The following KDM4D variants were observed in gnomAD, a reference collection of about 807,000 sequenced individuals.
The protein encoded by KDM4D is lysine-specific demethylase 4D.
For synonymous variants in KDM4D, 254 were observed against 249.1 expected (o/e 1.02, Z -0.19); for missense variants, 427 against 674.8 (o/e 0.63, Z 4.07).
At chr11:94,985,579 G>A (rs1294704613) in intron 2 of KDM4D, among the ~76,000 whole-genome samples, 1 of 151,646 alleles carries the variant, frequency 6.6e-6, no homozygotes, top group Non-Finnish European at 1.5e-5. Context: ...ATTAAAAATC[G>A]GTCCTAAAAT....
At chr11:94,983,146 G>A (rs1487742942) in intron 2 of KDM4D, among the ~76,000 whole-genome samples, 1 of 151,854 alleles carries the variant, frequency 6.6e-6, no homozygotes, top group Non-Finnish European at 1.5e-5. Context: ...GCATAGAAAT[G>A]TACAAATAAA....
At chr11:94,996,027 G>T (rs1450664331) in intron 2 of KDM4D, among the ~76,000 whole-genome samples, 1 of 152,172 alleles carries the variant, frequency 6.6e-6, no homozygotes, top group Non-Finnish European at 1.5e-5. Flanking sequence ...AAGTCACACG[G>T]TATGAGTTAA....
intron 2 of KDM4D, among the ~76,000 whole-genome samples, chr11:94,986,262 G>A (rs587670699): frequency 1.3e-5 from 2 of 152,226 alleles, no homozygotes; most frequent in Non-Finnish European, 2.9e-5. Context: ...GAAAAGATGT[G>A]CAATATCATG....
Position 94,998,839 on chromosome 11 carries a change from G to A in KDM4D, c.1467G>A (p.Glu489=), listed in dbSNP as rs782540477. ...TTCTASGPEP[E]PLPEDGALMD... ...GCACAGCTTCGGGCCCAGAACCTGA[G>A]CCCCTACCTGAGGATGGGGCTTTGA... The change falls in exon 3 of 3, where the codon GAG becomes GAA. Residue 489 remains glutamate, a synonymous_variant. Transcript: ENST00000335080. This position sits in a 1 kb window ranked among gnomAD's most constrained non-coding sequence, Gnocchi z 6.7. 2.5e-6 allele frequency: 4 copies of A among 1,576,058 alleles called. No homozygotes were observed. In the South Asian group the frequency reaches 4.7e-5, roughly 18 times the overall value.
At chr11:94,983,624 G>A (rs1468829828) in intron 2 of KDM4D, among the ~76,000 whole-genome samples, 3 of 151,872 alleles carry the variant, frequency 2.0e-5, no homozygotes, top group Admixed American at 6.6e-5. Flanking sequence ...GGAAAAAATC[G>A]GCAAAAGGTA....
chr11:94,984,667 C>T (rs903732564), intron 2 of KDM4D, among the ~76,000 whole-genome samples: 2 of 146,300 alleles, frequency 1.4e-5, no homozygotes, highest in African/African-American at 5.1e-5. Flanking sequence ...ACCACCCTAA[C>T]CAACATGGTG....
At chr11:94,987,259 C>T (rs1200000699) in intron 2 of KDM4D, among the ~76,000 whole-genome samples, 3 of 152,030 alleles carry the variant, frequency 2.0e-5, no homozygotes, top group Non-Finnish European at 4.4e-5. Flanking sequence ...TGTAAATATA[C>T]AAAAAATCAT....
In KDM4D at chr11:94,997,290, C is replaced by T; in HGVS notation, c.-83C>T. On this transcript the variant is annotated 5_prime_UTR_variant, in exon 3 of 3. Transcript: ENST00000335080. Reference sequence around the variant, plus strand: ...CTGCTACCTCATAGATAACACCAGTCAAATTTTTTTTTAAAGTAGCATTTT... The same window carrying T: ...CTGCTACCTCATAGATAACACCAGTTAAATTTTTTTTTAAAGTAGCATTTT... 1 of 1,163,106 alleles carries T rather than the reference C, an allele frequency of 8.6e-7. No homozygotes were observed. Among genetic ancestry groups the T allele is most frequent in the Non-Finnish European group, 1.2e-6 (1 of 846,026 alleles). The allele number at this position is 1,163,106 out of a possible 1,614,324, so 72.0% of individuals were successfully genotyped here.
At position 94,997,169 on chromosome 11, in the gene KDM4D, C is replaced by T. The variant is rs587708954; in HGVS notation, c.-204C>T. On this transcript the variant is annotated 5_prime_UTR_variant, in exon 3 of 3. It introduces an in-frame stop codon into an upstream open reading frame of the 5' UTR. Coordinates refer to ENST00000335080, the MANE Select transcript of KDM4D (RefSeq NM_018039.3). ...GGATCAGCTAACGTCAATGCCTGGGCAAAGCTGCTGCCCAGAGTGGAATCT... is the reference window on the plus strand; with the variant it reads ...GGATCAGCTAACGTCAATGCCTGGGTAAAGCTGCTGCCCAGAGTGGAATCT... 9.1e-6 allele frequency: 4 copies of T among 441,758 alleles called. No homozygotes were observed. In the South Asian group the frequency reaches 1.5e-4, roughly 17 times the overall value. 27.4% of individuals were successfully genotyped at this position (441,758 alleles called of 1,614,324 possible).
At position 94,973,743 on chromosome 11, in the gene KDM4D, C is replaced by T. The variant is rs1835555032; in HGVS notation, c.-770C>T. The stretch of plus-strand genomic sequence containing the variant: ...TGAAATCAGTGCCTTAGAGTAGACC[C>T]TAAACCTCATTTTATACCTTCAAGA... On this transcript the variant is annotated 5_prime_UTR_variant, in exon 1 of 3. Coordinates refer to ENST00000335080, the MANE Select transcript of KDM4D (RefSeq NM_018039.3). 6.6e-6 allele frequency: 1 copy of T among 152,302 alleles called. No individual in the cohort carries two copies. Among genetic ancestry groups the T allele is most frequent in the African/African-American group, 2.4e-5 (1 of 41,474 alleles). The allele number at this position is 152,302 out of a possible 1,614,324, so 9.4% of individuals were successfully genotyped here.
Position 94,998,816 on chromosome 11 carries a change from A to G in KDM4D, c.1444A>G (p.Thr482Ala). 1 of 1,599,828 alleles carries G rather than the reference A, an allele frequency of 6.3e-7. No homozygotes were observed. The highest frequency in any genetic ancestry group is 8.5e-7 in the Non-Finnish European group (1 of 1,170,958). Residue 482 changes from threonine (T) to alanine (A), a missense_variant, in exon 3 of 3, where the codon ACA becomes GCA. Physicochemically the swap from Thr to Ala is moderately conservative, Grantham distance 58. Coordinates refer to ENST00000335080, the MANE Select transcript of KDM4D (RefSeq NM_018039.3). The surrounding 1 kb of genome is among the most constrained non-coding windows in gnomAD (Gnocchi z 6.7). Reference protein sequence around the residue: ...KRPLLAGTTCTASGPEPEPLP... With the variant: ...KRPLLAGTTCAASGPEPEPLP... ...GCCCCTCTTGGCGGGCACAACATGCACAGCTTCGGGCCCAGAACCTGAGCC... is the reference window on the plus strand; with the variant it reads ...GCCCCTCTTGGCGGGCACAACATGCGCAGCTTCGGGCCCAGAACCTGAGCC...
rs587735345 is a variant in KDM4D, at chr11:94,984,636, A to G, written c.-350+8888A>G. ...TTTGGGAAGCCGAGGAGGGCAGATC[A>G]CCTGAGGTCAGGAGTTCGAGACCAC... On this transcript the variant is annotated intron_variant, in intron 2 of 2. Coordinates refer to ENST00000335080, the MANE Select transcript of KDM4D (RefSeq NM_018039.3). Among the ~76,000 whole-genome samples the G allele has an allele frequency of 1.2e-4, 18 of 150,722 alleles. 1 individual carries two copies. Among genetic ancestry groups the G allele is most frequent in the African/African-American group, 4.1e-4 (17 of 41,014 alleles).
intron 2 of KDM4D, among the ~76,000 whole-genome samples, chr11:94,981,435 A>G (rs1857842132): frequency 2.6e-5 from 4 of 151,930 alleles, no homozygotes; most frequent in Admixed American, 6.6e-5. Context: ...TCTTTCTTGA[A>G]TGTTGACTAA....
Position 94,998,182 on chromosome 11 carries a change from G to C in KDM4D, c.810G>C (p.Glu270Asp). The change falls in exon 3 of 3, where the codon GAG becomes GAC. Residue 270 changes from glutamate (E) to aspartate (D), a missense_variant. By Grantham distance (45) the Glu-to-Asp change is conservative. Transcript: ENST00000335080. The surrounding 1 kb of genome is among the most constrained non-coding windows in gnomAD (Gnocchi z 6.7). The part of the protein sequence containing the change: ...PFNRITQEAG[E>D]FMVTFPYGYH... Reference sequence around the variant, plus strand: ...ATCGCATAACTCAGGAGGCTGGAGAGTTCATGGTGACCTTTCCCTATGGCT... The same window carrying C: ...ATCGCATAACTCAGGAGGCTGGAGACTTCATGGTGACCTTTCCCTATGGCT... The C allele has an allele frequency of 6.2e-7, 1 of 1,614,232 alleles. No individual in the cohort carries two copies. Among genetic ancestry groups the C allele is most frequent in the Non-Finnish European group, 8.5e-7 (1 of 1,180,040 alleles).
chr11:94,986,449 G>A (rs1857888171), intron 2 of KDM4D, among the ~76,000 whole-genome samples: 1 of 151,814 alleles, frequency 6.6e-6, no homozygotes, highest in Admixed American at 6.6e-5. Context: ...AAAAAAATTA[G>A]CCAGGCATGG....
chr11:94,998,984 G>T lies in KDM4D; in HGVS notation c.*40G>T. ...TTTATATCCCACTGCCCTGCTGTGT[G>T]ACAGTTTGATGAAACTGGTTACATT... On this transcript the variant is annotated 3_prime_UTR_variant, in exon 3 of 3. Coordinates refer to ENST00000335080, the MANE Select transcript of KDM4D (RefSeq NM_018039.3). This position sits in a 1 kb window ranked among gnomAD's most constrained non-coding sequence, Gnocchi z 6.7. 1 of 1,467,144 alleles carries T rather than the reference G, an allele frequency of 6.8e-7. No homozygotes were observed. Among genetic ancestry groups the T allele is most frequent in the South Asian group, 1.7e-5 (1 of 60,528 alleles). 90.9% of individuals were successfully genotyped at this position (1,467,144 alleles called of 1,614,324 possible).
At chr11:94,979,647 C>T (rs1269716804) in intron 2 of KDM4D, among the ~76,000 whole-genome samples, 1 of 152,198 alleles carries the variant, frequency 6.6e-6, no homozygotes, top group South Asian at 2.1e-4. Flanking sequence ...ATTCCTCCCA[C>T]TTAATGTGTG....
In KDM4D at chr11:94,998,844, T is replaced by C. The variant is rs1858002230; in HGVS notation, c.1472T>C (p.Leu491Pro). The C allele has an allele frequency of 6.4e-7, 1 of 1,571,152 alleles. No individual in the cohort carries two copies. Among genetic ancestry groups the C allele is most frequent in the South Asian group, 1.2e-5 (1 of 84,514 alleles). Reference protein sequence around the residue: ...CTASGPEPEPLPEDGALMDKP... With the variant: ...CTASGPEPEPPPEDGALMDKP... ...GCTTCGGGCCCAGAACCTGAGCCCC[T>C]ACCTGAGGATGGGGCTTTGATGGAC... The change falls in exon 3 of 3, where the codon CTA becomes CCA. Residue 491 changes from leucine (L) to proline (P), a missense_variant. Coordinates refer to ENST00000335080, the MANE Select transcript of KDM4D (RefSeq NM_018039.3). The surrounding 1 kb of genome is among the most constrained non-coding windows in gnomAD (Gnocchi z 6.7).
At position 94,997,903 on chromosome 11, in the gene KDM4D, A is replaced by G; in HGVS notation, c.531A>G (p.Thr177=). Residue 177 remains threonine (T), a synonymous_variant, in exon 3 of 3, where the codon ACA becomes ACG. Transcript: ENST00000335080. ...GGGTTGTCATAGAAGGCGTCAATAC[A>G]CCCTACTTGTACTTTGGCATGTGGA... The part of the protein sequence containing the change: ...ECGVVIEGVN[T]PYLYFGMWKT... 6.2e-7 allele frequency: 1 copy of G among 1,614,146 alleles called. No individual in the cohort carries two copies. Among genetic ancestry groups the G allele is most frequent in the South Asian group, 1.1e-5 (1 of 91,084 alleles).
Sources: gnomAD v4.1 joint callset for allele counts (sites outside exome capture counted in the v4.1 genomes callset) on GRCh38, gnomAD v4.1.1 for gene constraint, Gnocchi (gnomAD v3.1) non-coding constraint, MANE v1.5 for transcripts, NCBI Gene and HGNC (gene_info 2026-07-23, HGNC 2026-07-21) for gene names.